KPNA4: variants seen among roughly 807,000 people sequenced by gnomAD.
KPNA4 encodes the protein karyopherin subunit alpha 4, also known as importin subunit alpha-3.
In KPNA4, 13 loss-of-function variants were observed where a neutral mutation model predicts 71.3. The observed-to-expected ratio is 0.18, with a 90% CI of 0.12 to 0.29. KPNA4 has a LOEUF of 0.29. Ranked by LOEUF, KPNA4 falls within the 10% of genes least tolerant of loss-of-function variation. KPNA4 has a pLI of 1.00. For missense variants in KPNA4, 334 were observed against 603.2 expected (o/e 0.55, Z 4.67); for synonymous variants, 189 against 195.2 (o/e 0.97, Z 0.26).
chr3:160,504,448 C>T lies in KPNA4; in HGVS notation c.1467+510G>A, dbSNP rs142086387. 3.2e-3 allele frequency among the ~76,000 whole-genome samples: 489 copies of T among 152,210 alleles called. 5 individuals carry two copies. Among genetic ancestry groups the T allele is most frequent in the African/African-American group, 0.011 (474 of 41,536 alleles). On this transcript the variant is annotated intron_variant, in intron 16 of 16. Transcript: ENST00000334256. ...AAAAATAAGTTAATACTTTAATTTCCACTACTATTACTAACAATCTGAAGA... is the reference window on the plus strand; with the variant it reads ...AAAAATAAGTTAATACTTTAATTTCTACTACTATTACTAACAATCTGAAGA...
intron 1 of KPNA4, 53 bp from the exon 2 acceptor site, chr3:160,536,893 C>T (rs1457079482): frequency 9.6e-7 from 1 of 1,036,534 alleles, no homozygotes; most frequent in Non-Finnish European, 1.5e-6. Context: ...ATTCCATTAT[C>T]CAGAGAAAAC....
chr3:160,504,632 G>A (rs1050938713), intron 16 of KPNA4, among the ~76,000 whole-genome samples: 1 of 152,044 alleles, frequency 6.6e-6, no homozygotes, highest in Non-Finnish European at 1.5e-5. Context: ...GGATATACTA[G>A]TATCACTGTT....
At position 160,555,978 on chromosome 3, in the gene KPNA4, T is replaced by C. The variant is rs1435874483; in HGVS notation, c.69+9236A>G. On this transcript the variant is annotated intron_variant, in intron 1 of 16. Transcript: ENST00000334256. Reference sequence around the variant, plus strand: ...TCCCAGGTAGCTGGGATCACAGGCATGCGCCACCATGCCTGGCTAATTTTG... The same window carrying C: ...TCCCAGGTAGCTGGGATCACAGGCACGCGCCACCATGCCTGGCTAATTTTG... Among the ~76,000 whole-genome samples the C allele has an allele frequency of 2.0e-5, 3 of 152,118 alleles. No homozygotes were observed. The East Asian group carries it at 5.8e-4, about 29-fold the overall frequency.
At chr3:160,511,548 G>GA (rs535223151) in intron 13 of KPNA4, among the ~76,000 whole-genome samples, 320 of 149,530 alleles carry the variant, frequency 2.1e-3, no homozygotes, top group Non-Finnish European at 3.2e-3. Flanking sequence ...CAAGGAATAA[G>GA]AAAAAAAAAC....
At chr3:160,536,742 G>T in intron 2 of KPNA4, 54 bp downstream of exon 2, 2 of 1,012,538 alleles carry the variant, frequency 2.0e-6, no homozygotes, top group Non-Finnish European at 3.0e-6. Flanking sequence ...TGTATATAAT[G>T]CTATAATGTT....
intron 1 of KPNA4, among the ~76,000 whole-genome samples, chr3:160,545,753 C>T (rs1476533328): frequency 6.6e-6 from 1 of 152,164 alleles, no homozygotes; most frequent in Non-Finnish European, 1.5e-5. Flanking sequence ...GTAATCCCAG[C>T]AACAGATAAT....
At position 160,496,801 on chromosome 3, in the gene KPNA4, GA is replaced by G. The variant is rs1010657352; in HGVS notation, c.*5302del. 5.3e-5 allele frequency: 8 copies of G among 152,088 alleles called. No homozygotes were observed. The highest frequency in any genetic ancestry group is 1.9e-4 in the African/African-American group (8 of 41,404). 9.4% of individuals were successfully genotyped at this position (152,088 alleles called of 1,614,324 possible). A position where few individuals can be genotyped will look rare whatever the true frequency, so the allele number is the denominator to read the frequency against. ...GGAGGTAGATCATAAAGAATCTGTA[GA>G]ACCATTTACTTTTCCTCACAGTCAA... On this transcript the variant is annotated 3_prime_UTR_variant, in exon 17 of 17. Coordinates refer to ENST00000334256, the MANE Select transcript of KPNA4 (RefSeq NM_002268.5).
chr3:160,539,880 A>C (rs1421228841), intron 1 of KPNA4, among the ~76,000 whole-genome samples: 1 of 152,162 alleles, frequency 6.6e-6, no homozygotes, highest in Non-Finnish European at 1.5e-5. Context: ...ATAAATCCCA[A>C]ACAACTACAT....
chr3:160,552,502 A>G (rs1010732780), intron 1 of KPNA4, among the ~76,000 whole-genome samples: 2 of 152,224 alleles, frequency 1.3e-5, no homozygotes, highest in African/African-American at 4.8e-5. Context: ...ATGAGACTTA[A>G]GAATATAGTG....
chr3:160,541,764 C>T (rs908032573), intron 1 of KPNA4, among the ~76,000 whole-genome samples: 2 of 151,604 alleles, frequency 1.3e-5, no homozygotes, highest in African/African-American at 2.4e-5. Flanking sequence ...TTATTAATCA[C>T]CTAATTGCCA....
In KPNA4 at chr3:160,527,931, GTA is replaced by G; in HGVS notation, c.556+20_556+21del. The G allele has an allele frequency of 1.3e-6, 2 of 1,554,908 alleles. No homozygotes were observed. The highest frequency in any genetic ancestry group is 1.8e-6 in the Non-Finnish European group (2 of 1,128,968). On this transcript the variant is annotated intron_variant, in intron 8 of 16. Coordinates refer to ENST00000334256, the MANE Select transcript of KPNA4 (RefSeq NM_002268.5). ...GTATATGATAACAATTTTTAGACTA[GTA>G]TTACAAGTTTTATACAAACCTATGA... is the stretch of plus-strand genomic sequence containing the variant.
Position 160,508,143 on chromosome 3 carries a change from C to T in KPNA4, c.1336G>A (p.Ala446Thr), listed in dbSNP as rs771040815. 3 of 1,606,330 alleles carry T rather than the reference C, an allele frequency of 1.9e-6. No homozygotes were observed. Among genetic ancestry groups the T allele is most frequent in the Non-Finnish European group, 2.5e-6 (3 of 1,176,858 alleles). Residue 446 changes from alanine (A) to threonine (T), a missense_variant, in exon 15 of 17, where the codon GCA (alanine) becomes ACA (threonine). Transcript: ENST00000334256. ...SNILKMAEDE[A>T]ETIGNLIEEC... ...TCTATAAGATTGCCTATGGTTTCTG[C>T]CTCATCTTCAGCCATTTTTAATATA... is the stretch of plus-strand genomic sequence containing the variant.
At chr3:160,509,751 CTTTTA>C (rs1560044332) in intron 14 of KPNA4, 44 bp downstream of exon 14, 9 of 1,188,542 alleles carry the variant, frequency 7.6e-6, no homozygotes, top group Non-Finnish European at 1.1e-5. Context: ...ATTACCTGTA[CTTTTA>C]TTTTACCAGT....
chr3:160,525,373 A>C (rs902278698), intron 10 of KPNA4, among the ~76,000 whole-genome samples: 3 of 124,436 alleles, frequency 2.4e-5, no homozygotes, highest in African/African-American at 5.2e-5. Flanking sequence ...TCAAAAAACA[A>C]AAATAGCACT....
rs766838806 is a variant in KPNA4 at position 160,565,273 on chromosome 3, T to A, written c.10A>T (p.Asn4Tyr). Residue 4 changes from asparagine (N) to tyrosine (Y), a missense_variant, in exon 1 of 17, where the codon AAC becomes TAC. Physicochemically the swap from Asn to Tyr is moderately radical, Grantham distance 143. Coordinates refer to ENST00000334256, the MANE Select transcript of KPNA4 (RefSeq NM_002268.5). MAD[N>Y]EKLDNQRLKN... ...AGCCGTTGGTTGTCCAGTTTCTCGT[T>A]GTCCGCCATGGCCGGGCCGGTGACT... 1.2e-6 allele frequency: 2 copies of A among 1,605,434 alleles called. No individual in the cohort carries two copies. The highest frequency in any genetic ancestry group is 1.7e-6 in the Non-Finnish European group (2 of 1,176,098).
At chr3:160,512,563 G>C (rs1285398785) in intron 13 of KPNA4, among the ~76,000 whole-genome samples, 2 of 152,148 alleles carry the variant, frequency 1.3e-5, no homozygotes, top group African/African-American at 4.8e-5. Flanking sequence ...ATAAACAATA[G>C]CTGATAAAGA....
At chr3:160,564,480 A>G (rs1483092046) in intron 1 of KPNA4, 3 of 152,374 alleles carry the variant, frequency 2.0e-5, no homozygotes, top group Non-Finnish European at 4.4e-5. Context: ...TTTGTGGACA[A>G]GCTGAAATAA....
At position 160,499,972 on chromosome 3, in the gene KPNA4, A is replaced by G. The variant is rs1235745387; in HGVS notation, c.*2132T>C. 1.3e-5 allele frequency: 2 copies of G among 152,138 alleles called. No individual in the cohort carries two copies. Among genetic ancestry groups the G allele is most frequent in the Non-Finnish European group, 2.9e-5 (2 of 67,984 alleles). The allele number at this position is 152,138 out of a possible 1,614,324, so 9.4% of individuals were successfully genotyped here. Reference sequence around the variant, plus strand: ...CTTGCTTTGGATAGAGAGAAAACTGAAGCACTGATGGTGTCAACTGGACAA... The same window carrying G: ...CTTGCTTTGGATAGAGAGAAAACTGGAGCACTGATGGTGTCAACTGGACAA... On this transcript the variant is annotated 3_prime_UTR_variant, in exon 17 of 17. Transcript: ENST00000334256.
In KPNA4 at chr3:160,525,963, G is replaced by A. The variant is rs1165589098; in HGVS notation, c.701C>T (p.Pro234Leu). The change falls in exon 9 of 17, where the codon CCA becomes CTA. Residue 234 changes from proline to leucine, a missense_variant. By Grantham distance (98) the Pro-to-Leu change is moderately conservative (BLOSUM62 -3). Transcript: ENST00000334256. ...MVNLCRHKDP[P>L]PPMETIQEIL... ...CTCCTGAATGGTTTCCATTGGTGGT[G>A]GTGGGTCTTTGTGGCGACATAAGTT... 6.3e-7 allele frequency: 1 copy of A among 1,585,982 alleles called. No homozygotes were observed. Among genetic ancestry groups the A allele is most frequent in the Non-Finnish European group, 8.6e-7 (1 of 1,167,934 alleles).
Sources: gnomAD v4.1 joint callset for allele counts (sites outside exome capture counted in the v4.1 genomes callset) on GRCh38, gnomAD v4.1.1 for gene constraint, MANE v1.5 for transcripts, NCBI Gene and HGNC (gene_info 2026-07-23, HGNC 2026-07-21) for gene names.